The following SMG5 variants were observed in gnomAD, a reference collection of about 807,000 sequenced individuals.
SMG5 encodes the protein nonsense-mediated mRNA decay factor SMG5.
A neutral mutation model predicts 122.9 loss-of-function variants in SMG5; 53 were observed. That is an observed-to-expected ratio of 0.43 (90% confidence interval 0.35 to 0.54). SMG5 has a LOEUF of 0.54. Among genes scored for constraint, SMG5 ranks in the 20% least tolerant of loss-of-function variants. The pLI is 0.01. For synonymous variants in SMG5, 477 were observed against 490.2 expected (o/e 0.97, Z 0.35); for missense variants, 1,153 against 1,285.6 (o/e 0.90, Z 1.58).
At chr1:156,279,884 G>C (rs1290595158) in intron 1 of SMG5, among the ~76,000 whole-genome samples, 2 of 152,126 alleles carry the variant, frequency 1.3e-5, no homozygotes, top group East Asian at 1.9e-4. Context: ...AGACCGCCTG[G>C]ATTCAAATCT....
intron 16 of SMG5, among the ~76,000 whole-genome samples, chr1:156,257,512 AG>A (rs1661633341): frequency 6.6e-6 from 1 of 152,144 alleles, no homozygotes; most frequent in Non-Finnish European, 1.5e-5. Flanking sequence ...ACCCCCCGAC[AG>A]GAAGAGTGTC....
chr1:156,250,753 G>A (rs1237925804), intron 21 of SMG5, 83 bp from the exon 22 acceptor site: 3 of 1,600,390 alleles, frequency 1.9e-6, no homozygotes, highest in Non-Finnish European at 2.6e-6. Flanking sequence ...GGGAAGGAGT[G>A]ATGGAAGAGA....
rs1445029360 is a variant in SMG5 at position 156,266,034 on chromosome 1, T to C, written c.1602A>G (p.Thr534=). ...DLEDMEEEEG[T]RSPTLEPPRG... is the part of the protein sequence containing the mutation. ...GAGGGGGCTCCAGGGTTGGTGACCG[T>C]GTCCCCTCCTCTTCCTCCATATCTT... The change falls in exon 12 of 22, where the codon ACA becomes ACG. Residue 534 remains threonine, a synonymous_variant. Transcript: ENST00000361813. 6.2e-7 allele frequency: 1 copy of C among 1,614,234 alleles called. No individual in the cohort carries two copies. The highest frequency in any genetic ancestry group is 1.7e-5 in the Admixed American group (1 of 60,030).
intron 4 of SMG5, among the ~76,000 whole-genome samples, chr1:156,275,001 G>A (rs548860920): frequency 1.3e-5 from 2 of 152,150 alleles, no homozygotes; most frequent in Non-Finnish European, 2.9e-5. Flanking sequence ...CAAAAAGGAG[G>A]AAGGGATGAG....
intron 12 of SMG5, among the ~76,000 whole-genome samples, chr1:156,264,460 A>C (rs1662022308): frequency 6.6e-6 from 1 of 152,060 alleles, no homozygotes; most frequent in Non-Finnish European, 1.5e-5. Context: ...ATACAGCAAT[A>C]AGTAAGAAAT....
chr1:156,288,345 T>C, the SMG5 span, among the ~76,000 whole-genome samples: 28 of 151,676 alleles, frequency 1.8e-4, no homozygotes, highest in Non-Finnish European at 8.8e-5. Flanking sequence ...TTTTTCTTTT[T>C]TTTTTTTTGA....
At chr1:156,263,294 C>A in intron 13 of SMG5, 101 bp downstream of exon 13, 1 of 1,318,036 alleles carries the variant, frequency 7.6e-7, no homozygotes, top group Non-Finnish European at 1.1e-6. Flanking sequence ...GGCAATAATT[C>A]TTGCCTTGGC....
chr1:156,290,620 C>T, the SMG5 span: 1 of 151,528 alleles, frequency 6.6e-6, no homozygotes, highest in Non-Finnish European at 1.5e-5. Context: ...GGCGGATCAT[C>T]AGGTCAGGAG....
At chr1:156,269,426 A>AAAAC (rs749143783) in intron 7 of SMG5, among the ~76,000 whole-genome samples, 2 of 152,144 alleles carry the variant, frequency 1.3e-5, no homozygotes, top group African/African-American at 2.4e-5. Flanking sequence ...TGTCTTACTA[A>AAAAC]AAACAAACAA....
At position 156,251,305 on chromosome 1, in the gene SMG5, C is replaced by G; in HGVS notation, c.2828+98G>C. ...GGGCCCTGGCAGGCTACGTGTGGAG[C>G]CTCAGAATTATCCAGCCCTACCCGT... On this transcript the variant is annotated intron_variant, in intron 20 of 21. Coordinates refer to ENST00000361813, the MANE Select transcript of SMG5 (RefSeq NM_015327.3). 2.1e-6 allele frequency: 3 copies of G among 1,407,694 alleles called. No homozygotes were observed. The South Asian group carries it at 3.5e-5, about 16-fold the overall frequency. The allele number at this position is 1,407,694 out of a possible 1,614,324, so 87.2% of individuals were successfully genotyped here.
At chr1:156,259,259 G>C in intron 15 of SMG5, 96 bp from the exon 16 acceptor site, 2 of 1,313,396 alleles carry the variant, frequency 1.5e-6, no homozygotes, top group South Asian at 3.3e-5. Flanking sequence ...CCACCTCCCT[G>C]CTGGCCCAGC....
At chr1:156,255,103 CAAAATAAAAT>C (rs562193073) in intron 16 of SMG5, among the ~76,000 whole-genome samples, 55 of 150,662 alleles carry the variant, frequency 3.7e-4, no homozygotes, top group Non-Finnish European at 1.6e-4. Context: ...AATAAATAAA[CAAAATAAAAT>C]AAAATAAAAT....
At position 156,278,957 on chromosome 1, in the gene SMG5, T is replaced by C. The variant is rs1243546790; in HGVS notation, c.152A>G (p.Glu51Gly). The change falls in exon 2 of 22, where the codon GAA (glutamate) becomes GGA (glycine). Residue 51 changes from glutamate to glycine, a missense_variant. Physicochemically the swap from Glu to Gly is moderately conservative, Grantham distance 98 (BLOSUM62 -2). Coordinates refer to ENST00000361813, the MANE Select transcript of SMG5 (RefSeq NM_015327.3). ...TTACTTGTTCCTCAGGCTAATGTTT[T>C]CTGGTTTGAATACTTCTTGATAAGC... ...KTAYQEVFKP[E>G]NISLRNKLRE... 2.5e-6 allele frequency: 4 copies of C among 1,614,014 alleles called. No individual in the cohort carries two copies. The highest frequency in any genetic ancestry group is 3.4e-6 in the Non-Finnish European group (4 of 1,180,014).
chr1:156,272,658 C>T (rs1226209739), intron 6 of SMG5, among the ~76,000 whole-genome samples: 10 of 150,684 alleles, frequency 6.6e-5, no homozygotes, highest in Admixed American at 2.0e-4. Flanking sequence ...CTGCAAGCTC[C>T]GCCTCCCAGG....
At chr1:156,291,377 C>T in the SMG5 span, 3 of 1,613,270 alleles carry the variant, frequency 1.9e-6, no homozygotes, top group Non-Finnish European at 2.5e-6. Context: ...CTTTTCTTGC[C>T]CCCATAGGCT....
chr1:156,265,167 T>G (rs1167865901), intron 12 of SMG5, among the ~76,000 whole-genome samples: 1 of 149,388 alleles, frequency 6.7e-6, no homozygotes, highest in East Asian at 2.0e-4. Context: ...TTGGTTGCAG[T>G]GAGCCAAGAT....
In SMG5 at chr1:156,265,797, G is replaced by C. The variant is rs149321134; in HGVS notation, c.1839C>G (p.Asp613Glu). The C allele has an allele frequency of 1.2e-6, 2 of 1,613,910 alleles. No individual in the cohort carries two copies. Among genetic ancestry groups the C allele is most frequent in the Non-Finnish European group, 1.7e-6 (2 of 1,179,860 alleles). The part of the protein sequence containing the change: ...SHRPCVNGDV[D>E]KPSEPASEEG... Reference sequence around the variant, plus strand: ...TCCAAATACCTGGCTCTGAAGGCTTGTCTACATCCCCATTGACGCAAGGCC... The same window carrying C: ...TCCAAATACCTGGCTCTGAAGGCTTCTCTACATCCCCATTGACGCAAGGCC... The change falls in exon 12 of 22, where the codon GAC becomes GAG. Residue 613 changes from aspartate (D) to glutamate (E), a missense_variant. Around this residue, in one of 5 missense-constraint regions of SMG5, gnomAD observed 631 missense variants for 650.6 expected, o/e 0.97. Transcript: ENST00000361813.
At chr1:156,272,548 C>A (rs1423205021) in intron 6 of SMG5, 150 bp from the exon 7 acceptor site, 4 of 636,426 alleles carry the variant, frequency 6.3e-6, no homozygotes, top group Non-Finnish European at 8.3e-6. Context: ...GCAGCTTAAT[C>A]TTTTTCCTCT....
intron 9 of SMG5, 72 bp from the exon 10 acceptor site, chr1:156,267,750 G>C (rs1662221037): frequency 7.5e-7 from 1 of 1,339,910 alleles, no homozygotes; most frequent in African/African-American, 1.4e-5. Context: ...GGGAATACAA[G>C]ATTCAGAGAA....
Sources: gnomAD v4.1 joint callset for allele counts (sites outside exome capture counted in the v4.1 genomes callset) on GRCh38, gnomAD v4.1.1 for gene constraint, gnomAD v4.1.1 regional missense constraint, MANE v1.5 for transcripts, NCBI Gene and HGNC (gene_info 2026-07-23, HGNC 2026-07-21) for gene names.